The following COPZ2 variants were observed in gnomAD, a reference collection of about 807,000 sequenced individuals.
The protein encoded by COPZ2 is coat protein complex I subunit zeta 2, also known as coatomer subunit zeta-2.
A neutral mutation model predicts 33.2 loss-of-function variants in COPZ2; 30 were observed. The observed-to-expected ratio is 0.90, with a 90% CI of 0.68 to 1.23. The LOEUF (loss-of-function observed/expected upper bound fraction) is 1.23, where lower values mean the gene tolerates loss of function less well. Ranked by LOEUF, COPZ2 falls within the 50% of genes most tolerant of loss-of-function variation. The probability of loss-of-function intolerance (pLI) is 0.00; values close to 1 mark genes in which losing one functional copy is unlikely to be tolerated. For missense variants in COPZ2, 263 were observed against 262.4 expected, an observed-to-expected ratio of 1.00 and a Z score of -0.02; for synonymous variants, 89 against 102.6, an observed-to-expected ratio of 0.87 and a Z score of 0.80.
intron 2 of COPZ2, among the ~76,000 whole-genome samples, chr17:48,035,572 T>A (rs1462662267): frequency 6.6e-6 from 1 of 151,806 alleles, no homozygotes; most frequent in Non-Finnish European, 1.5e-5. Flanking sequence ...ATTTTCGTTT[T>A]TTTGTTTTTT....
At position 48,032,184 on chromosome 17, in the gene COPZ2, A is replaced by G. The variant is rs1363207890; in HGVS notation, c.466T>C (p.Leu156=). The G allele has an allele frequency of 1.9e-6, 3 of 1,613,590 alleles. No individual in the cohort carries two copies. The highest frequency in any genetic ancestry group is 2.5e-6 in the Non-Finnish European group (3 of 1,179,770). Reference sequence around the variant, plus strand: ...CCATCCACAATCTCGTCCAGCACCAAGAAGGCTCCGTCCATGTTCTCCAGC... The same window carrying G: ...CCATCCACAATCTCGTCCAGCACCAGGAAGGCTCCGTCCATGTTCTCCAGC... ...WLLENMDGAF[L]VLDEIVDGGV... is the part of the protein sequence containing the mutation. Residue 156 remains leucine (L), a synonymous_variant, in exon 6 of 9, where the codon TTG becomes CTG. Coordinates refer to ENST00000621465, the MANE Select transcript of COPZ2 (RefSeq NM_016429.4).
At chr17:48,036,779 T>G in intron 2 of COPZ2, 72 bp downstream of exon 2, 2 of 1,410,854 alleles carry the variant, frequency 1.4e-6, no homozygotes, top group Non-Finnish European at 2.0e-6. Context: ...GAGATCACAG[T>G]GGAGTTTCTC....
At chr17:48,032,837 G>A in intron 4 of COPZ2, 96 bp from the exon 5 acceptor site, 1 of 956,082 alleles carries the variant, frequency 1.0e-6, no homozygotes, top group Non-Finnish European at 1.6e-6. Flanking sequence ...CAGCAATGGA[G>A]AGTTTCAGAG....
chr17:48,031,171 G>A (rs2036888900), intron 6 of COPZ2, among the ~76,000 whole-genome samples: 1 of 152,134 alleles, frequency 6.6e-6, no homozygotes, highest in Admixed American at 6.5e-5. Context: ...AATTTCTATT[G>A]GCCGGGGATG....
upstream of COPZ2, among the ~76,000 whole-genome samples, chr17:48,042,343 T>C (rs1375860563): frequency 6.6e-6 from 1 of 152,162 alleles, no homozygotes; most frequent in Non-Finnish European, 1.5e-5. Flanking sequence ...CTATGTTGTT[T>C]GGCTGGTCTT....
upstream of COPZ2, among the ~76,000 whole-genome samples, chr17:48,039,767 G>T (rs1377327531): frequency 1.3e-5 from 2 of 152,160 alleles, no homozygotes; most frequent in Non-Finnish European, 2.9e-5. Context: ...TTGAGACAGG[G>T]TCTTGCTCTA....
At chr17:48,039,520 AGGAGGAGGG>A (rs1462285634), upstream of COPZ2, among the ~76,000 whole-genome samples, 1 of 151,084 alleles carries the variant, frequency 6.6e-6, no homozygotes, top group East Asian at 2.0e-4. Context: ...AAGGAAGAGG[AGGAGGAGGG>A]GGAGGAGGGT....
intron 2 of COPZ2, among the ~76,000 whole-genome samples, chr17:48,034,296 G>C (rs369078050): frequency 2.0e-5 from 3 of 152,216 alleles, no homozygotes; most frequent in South Asian, 4.1e-4. Context: ...TTAGTAGACA[G>C]GGTTTCTCCA....
At chr17:48,033,454 C>A (rs891496271) in intron 3 of COPZ2, among the ~76,000 whole-genome samples, 152 bp from the exon 4 acceptor site, 3 of 152,206 alleles carry the variant, frequency 2.0e-5, no homozygotes, top group Non-Finnish European at 4.4e-5. Context: ...TACCATCAGG[C>A]AGCCCCGTGT....
chr17:48,028,333 C>T lies in COPZ2; in HGVS notation c.585+139G>A. 1.2e-6 allele frequency: 1 copy of T among 831,824 alleles called. No homozygotes were observed. The highest frequency in any genetic ancestry group is 1.8e-6 in the Non-Finnish European group (1 of 546,722). The allele number at this position is 831,824 out of a possible 1,614,324, so 51.5% of individuals were successfully genotyped here. On this transcript the variant is annotated intron_variant, in intron 8 of 8. Transcript: ENST00000621465. The surrounding 1 kb of genome is among the most constrained non-coding windows in gnomAD (Gnocchi z 4.5). Reference sequence around the variant, plus strand: ...AGTCTTTCCAAGATATGACCTGTCACTGCCTCATCCCTTCCCTTCTCACCC... The same window carrying T: ...AGTCTTTCCAAGATATGACCTGTCATTGCCTCATCCCTTCCCTTCTCACCC...
Position 48,032,216 on chromosome 17 carries a change from C to A in COPZ2, c.434G>T (p.Arg145Leu), listed in dbSNP as rs1206056623. ...NHMLRKNVEK[R>L]WLLENMDGAF... Reference sequence around the variant, plus strand: ...TCCGTCCATGTTCTCCAGCAACCAGCGCTTCTCCACGTTCTTCCTGAAGGT... The same window carrying A: ...TCCGTCCATGTTCTCCAGCAACCAGAGCTTCTCCACGTTCTTCCTGAAGGT... The change falls in exon 6 of 9, where the codon CGC becomes CTC. Residue 145 changes from arginine to leucine, a missense_variant. Arg to Leu is a moderately radical substitution (Grantham distance 102). Transcript: ENST00000621465. 2.5e-6 allele frequency: 4 copies of A among 1,612,894 alleles called. No individual in the cohort carries two copies. The highest frequency in any genetic ancestry group is 3.4e-6 in the Non-Finnish European group (4 of 1,179,602).
At position 48,036,860 on chromosome 17, in the gene COPZ2, C is replaced by T; in HGVS notation, c.177G>A (p.Leu59=). ...TGGGGTCAGAGGTTACCTTGGCCAGCAGCCGGCGCCCGTCATTATCTAGGA... is the reference window on the plus strand; with the variant it reads ...TGGGGTCAGAGGTTACCTTGGCCAGTAGCCGGCGCCCGTCATTATCTAGGA... The part of the protein sequence containing the change: ...VFILDNDGRR[L]LAKYYDDTFP... The change falls in exon 2 of 9, where the codon CTG becomes CTA. Residue 59 remains leucine, a synonymous_variant. Coordinates refer to ENST00000621465, the MANE Select transcript of COPZ2 (RefSeq NM_016429.4). The T allele has an allele frequency of 6.2e-7, 1 of 1,613,630 alleles. No homozygotes were observed. Among genetic ancestry groups the T allele is most frequent in the South Asian group, 1.1e-5 (1 of 91,056 alleles).
At chr17:48,044,804 A>C in the COPZ2 span, among the ~76,000 whole-genome samples, 2 of 152,166 alleles carry the variant, frequency 1.3e-5, no homozygotes, top group Non-Finnish European at 2.9e-5. Flanking sequence ...AAAACATGCT[A>C]ACATTTAGTA....
At chr17:48,033,362 C>T (rs1322621495) in intron 3 of COPZ2, 60 bp from the exon 4 acceptor site, 1 of 934,448 alleles carries the variant, frequency 1.1e-6, no homozygotes, top group Non-Finnish European at 1.7e-6. Context: ...CTAGCCCCTC[C>T]TCCTCATGTA....
the COPZ2 span, among the ~76,000 whole-genome samples, chr17:48,044,682 G>C: frequency 6.6e-6 from 1 of 152,124 alleles, no homozygotes; most frequent in African/African-American, 2.4e-5. Flanking sequence ...TGGCTTGCAG[G>C]AGAGCTTTAC....
In COPZ2 at chr17:48,035,823, G is replaced by A. The variant is rs529071782; in HGVS notation, c.186+1028C>T. 2.1e-5 allele frequency among the ~76,000 whole-genome samples: 3 copies of A among 145,690 alleles called. No individual in the cohort carries two copies. The East Asian group carries it at 6.1e-4, about 29-fold the overall frequency. ...GGCTGGAGTGCAATGGTGTGATCTC[G>A]GCTCACTGCAACCTCTGCCTCCCAG... On this transcript the variant is annotated intron_variant, in intron 2 of 8. Transcript: ENST00000621465.
the COPZ2 span, chr17:48,046,084 C>G: frequency 6.6e-6 from 1 of 152,320 alleles, no homozygotes; most frequent in South Asian, 2.1e-4. Flanking sequence ...TACACCTTTA[C>G]TCTCTTCGGC....
At chr17:48,044,104 T>C in the COPZ2 span, among the ~76,000 whole-genome samples, 2 of 152,160 alleles carry the variant, frequency 1.3e-5, 1 homozygote, top group Admixed American at 1.3e-4. Flanking sequence ...CCCAGCACTT[T>C]GGGAGGCTGA....
chr17:48,033,545 C>G (rs2144306093), intron 3 of COPZ2, among the ~76,000 whole-genome samples: 1 of 152,298 alleles, frequency 6.6e-6, no homozygotes, highest in Admixed American at 6.5e-5. Context: ...ACCCGTTTAC[C>G]TCCTGCCCAC....
Sources: allele counts gnomAD v4.1 joint callset (sites outside exome capture counted in the v4.1 genomes callset), GRCh38; gene constraint gnomAD v4.1.1; non-coding constraint Gnocchi (gnomAD v3.1); transcripts MANE v1.5; gene names NCBI Gene and HGNC (gene_info 2026-07-23, HGNC 2026-07-21).